Variants in TTLL11 observed in about 807,000 individuals in gnomAD.
TTLL11 encodes the protein tubulin polyglutamylase TTLL11.
A neutral mutation model predicts 51.7 loss-of-function variants in TTLL11; 42 were observed. The observed-to-expected ratio is 0.81, with a 90% confidence interval of 0.64 to 1.05. The LOEUF is 1.05. TTLL11 is among the 50% of genes least tolerant of loss of function. TTLL11 has a pLI of 0.00. For synonymous variants in TTLL11, 381 were observed against 383.5 expected, an observed-to-expected ratio of 0.99 and a Z score of 0.08; for missense variants, 799 against 940.4, an observed-to-expected ratio of 0.85 and a Z score of 1.97.
At chr9:121,916,874 G>A (rs1185778560) in intron 6 of TTLL11, among the ~76,000 whole-genome samples, 2 of 152,166 alleles carry the variant, frequency 1.3e-5, no homozygotes, top group Non-Finnish European at 2.9e-5. Context: ...CTCTTACTTG[G>A]AACTCAGCTG....
chr9:121,899,789 G>C (rs1564295789), intron 6 of TTLL11, among the ~76,000 whole-genome samples: 1 of 151,982 alleles, frequency 6.6e-6, no homozygotes, highest in Non-Finnish European at 1.5e-5. Context: ...ATGACATTTG[G>C]GTTTTTGTCT....
Position 121,978,191 on chromosome 9 carries a change from T to C in TTLL11, c.1270-3212A>G, listed in dbSNP as rs549538520. ...TTTCACAAGTTCAAGGAAATATGCA[T>C]GATTTTCTTTTCAAAAGTCCAATAA... On this transcript the variant is annotated intron_variant, in intron 4 of 8. Coordinates refer to ENST00000321582, the MANE Select transcript of TTLL11 (RefSeq NM_001139442.2). 1.3e-3 allele frequency among the ~76,000 whole-genome samples: 192 copies of C among 152,356 alleles called. 1 individual carries two copies. Among genetic ancestry groups the C allele is most frequent in the Non-Finnish European group, 1.8e-3 (125 of 68,026 alleles).
chr9:122,044,801 CCA>C (rs1844955315), intron 1 of TTLL11, among the ~76,000 whole-genome samples: 1 of 152,012 alleles, frequency 6.6e-6, no homozygotes, highest in South Asian at 2.1e-4. Flanking sequence ...TGCTTCATAC[CCA>C]TTAGGATAAC....
intron 1 of TTLL11, 106 bp from the exon 2 acceptor site, chr9:122,039,474 T>A: frequency 1.3e-6 from 1 of 792,236 alleles, no homozygotes; most frequent in Non-Finnish European, 2.1e-6. Flanking sequence ...TTACCATGGT[T>A]TAATCCTTAT....
At chr9:122,005,868 G>A (rs1382467513) in intron 3 of TTLL11, among the ~76,000 whole-genome samples, 1 of 152,214 alleles carries the variant, frequency 6.6e-6, no homozygotes, top group Non-Finnish European at 1.5e-5. Flanking sequence ...TTACTGGGCA[G>A]AGGCCTGGAG....
intron 6 of TTLL11, among the ~76,000 whole-genome samples, chr9:121,901,816 C>T (rs907929180): frequency 1.1e-4 from 17 of 152,164 alleles, no homozygotes; most frequent in Admixed American, 5.2e-4. Context: ...GATGCTTGCA[C>T]GGAAACCCCA....
At chr9:121,894,604 T>C (rs2131452599) in intron 6 of TTLL11, among the ~76,000 whole-genome samples, 1 of 152,284 alleles carries the variant, frequency 6.6e-6, no homozygotes, top group South Asian at 2.1e-4. Context: ...TGCAGAGACA[T>C]GGATGAAGCT....
At chr9:122,090,812 G>GA (rs1361642600) in intron 1 of TTLL11, among the ~76,000 whole-genome samples, 1 of 151,658 alleles carries the variant, frequency 6.6e-6, no homozygotes, top group Non-Finnish European at 1.5e-5. Context: ...TAGTACTATG[G>GA]AAAAAAAATA....
At chr9:121,952,898 G>A (rs1454126665) in intron 6 of TTLL11, among the ~76,000 whole-genome samples, 2 of 152,120 alleles carry the variant, frequency 1.3e-5, no homozygotes, top group East Asian at 1.9e-4. Flanking sequence ...CATAATGAAG[G>A]TGATATTTTG....
At chr9:121,898,040 T>A (rs1839606833) in intron 6 of TTLL11, among the ~76,000 whole-genome samples, 1 of 151,954 alleles carries the variant, frequency 6.6e-6, no homozygotes. Context: ...TGCCTCAGCC[T>A]CCCGAGTAGC....
At chr9:122,060,049 C>A in intron 1 of TTLL11, among the ~76,000 whole-genome samples, 1 of 152,166 alleles carries the variant, frequency 6.6e-6, no homozygotes, top group Middle Eastern at 3.2e-3. Context: ...TGCAACCAGC[C>A]AGAGAAAACT....
intron 8 of TTLL11, 124 bp from the exon 9 acceptor site, chr9:121,823,003 C>T (rs41313865): frequency 0.03 from 34,489 of 1,150,854 alleles, 1,037 homozygotes; most frequent in African/African-American, 0.14. Context: ...CGTCTCCATT[C>T]CAGAAACTCC....
chr9:122,025,044 T>TA (rs949737852), intron 3 of TTLL11, among the ~76,000 whole-genome samples: 1 of 151,216 alleles, frequency 6.6e-6, no homozygotes, highest in African/African-American at 2.4e-5. Context: ...AATTAAAAAA[T>TA]AAAAAAAGGC....
At chr9:121,979,047 T>A (rs141346937) in intron 4 of TTLL11, among the ~76,000 whole-genome samples, 11 of 152,262 alleles carry the variant, frequency 7.2e-5, no homozygotes, top group Middle Eastern at 3.4e-3. Context: ...AATGATGAAA[T>A]GTCACCTCTA....
chr9:121,947,757 C>T (rs1368605619), intron 6 of TTLL11, among the ~76,000 whole-genome samples: 1 of 152,164 alleles, frequency 6.6e-6, no homozygotes, highest in Non-Finnish European at 1.5e-5. Context: ...CCTCCTATTA[C>T]AGAATAACAA....
intron 3 of TTLL11, among the ~76,000 whole-genome samples, chr9:121,994,934 A>G (rs1018207170): frequency 2.0e-5 from 3 of 152,314 alleles, no homozygotes; most frequent in African/African-American, 2.4e-5. Context: ...AAACTGGATG[A>G]CTGGGAGAGA....
chr9:121,816,330 C>A lies in TTLL11; in HGVS notation c.*6257G>T, dbSNP rs892667232. 2 of 152,190 alleles carry A rather than the reference C, an allele frequency of 1.3e-5. No homozygotes were observed. Among genetic ancestry groups the A allele is most frequent in the African/African-American group, 4.8e-5 (2 of 41,438 alleles). 9.4% of individuals were successfully genotyped at this position (152,190 alleles called of 1,614,324 possible). ...GCAGTCAGTGTTCTGTGGCCCAAGA[C>A]TGGGTCCTGGTTGGAATCTTAGCAA... On this transcript the variant is annotated 3_prime_UTR_variant, in exon 9 of 9. Transcript: ENST00000321582.
chr9:121,979,501 T>A (rs755838572), intron 4 of TTLL11, among the ~76,000 whole-genome samples: 3 of 152,186 alleles, frequency 2.0e-5, no homozygotes, highest in Non-Finnish European at 2.9e-5. Context: ...CTGTATTCCT[T>A]ATCCACCCAA....
chr9:121,878,788 G>A (rs1295647522), intron 6 of TTLL11, among the ~76,000 whole-genome samples: 1 of 152,244 alleles, frequency 6.6e-6, no homozygotes, highest in African/African-American at 2.4e-5. Flanking sequence ...TGGAGCGCGT[G>A]TCTTCGCCAT....
Sources: allele counts gnomAD v4.1 joint callset (sites outside exome capture counted in the v4.1 genomes callset), GRCh38; gene constraint gnomAD v4.1.1; transcripts MANE v1.5; gene names NCBI Gene and HGNC (gene_info 2026-07-23, HGNC 2026-07-21).